BLTP3A: variants seen among roughly 807,000 people sequenced by gnomAD.
The protein encoded by BLTP3A is ICBP90 binding protein 1.
chr6:34,853,809 G>C, the BLTP3A span, among the ~76,000 whole-genome samples: 3 of 151,910 alleles, frequency 2.0e-5, no homozygotes, highest in African/African-American at 7.2e-5. Flanking sequence ...TGAACCATCT[G>C]CCTCAGCCTC....
At chr6:34,838,060 T>C in the BLTP3A span, among the ~76,000 whole-genome samples, 1 of 152,236 alleles carries the variant, frequency 6.6e-6, no homozygotes, top group Admixed American at 6.5e-5. Flanking sequence ...TCACCGTTCA[T>C]TTATTAAACT....
the BLTP3A span, among the ~76,000 whole-genome samples, chr6:34,839,879 G>A: frequency 6.6e-6 from 1 of 152,258 alleles, no homozygotes; most frequent in Non-Finnish European, 1.5e-5. Flanking sequence ...CCTTACAGGG[G>A]TCAATAGCTT....
At chr6:34,834,635 C>T in the BLTP3A span, 1 of 1,529,106 alleles carries the variant, frequency 6.5e-7, no homozygotes, top group Admixed American at 1.9e-5. Context: ...GGAGTCTCTG[C>T]CTTGCCAGTC....
chr6:34,809,546 G>GT, the BLTP3A span, among the ~76,000 whole-genome samples: 4 of 151,986 alleles, frequency 2.6e-5, no homozygotes, highest in Admixed American at 6.6e-5. Context: ...CCCCAAAAAC[G>GT]TTTTTTGTTT....
At chr6:34,813,103 A>G in the BLTP3A span, among the ~76,000 whole-genome samples, 3 of 152,184 alleles carry the variant, frequency 2.0e-5, no homozygotes, top group Non-Finnish European at 4.4e-5. Context: ...GGAGGGTTCA[A>G]TTTCTATGAG....
At chr6:34,824,359 C>G in the BLTP3A span, among the ~76,000 whole-genome samples, 1 of 151,478 alleles carries the variant, frequency 6.6e-6, no homozygotes, top group East Asian at 1.9e-4. Flanking sequence ...ATGGTGAAAC[C>G]CCGTTTCTAC....
chr6:34,794,661 C>CTTCA, the BLTP3A span, among the ~76,000 whole-genome samples: 4 of 152,086 alleles, frequency 2.6e-5, no homozygotes, highest in African/African-American at 4.8e-5. Context: ...AAACTAAAGC[C>CTTCA]TGGAGAAGAT....
the BLTP3A span, among the ~76,000 whole-genome samples, chr6:34,843,912 G>GC: frequency 0.45 from 67,876 of 151,956 alleles, 17,184 homozygotes; most frequent in African/African-American, 0.7. Flanking sequence ...ATTCATTTTT[G>GC]GTGTCTTTTG....
chr6:34,862,617 G>A, the BLTP3A span, among the ~76,000 whole-genome samples: 1 of 151,866 alleles, frequency 6.6e-6, no homozygotes, highest in South Asian at 2.1e-4. Flanking sequence ...GGCAGATCAC[G>A]AGGTCAGGAG....
At chr6:34,826,578 G>C in the BLTP3A span, among the ~76,000 whole-genome samples, 1 of 152,084 alleles carries the variant, frequency 6.6e-6, no homozygotes, top group African/African-American at 2.4e-5. Flanking sequence ...GGCTGGTCTT[G>C]AACTCCTGGA....
At chr6:34,875,743 G>A in the BLTP3A span, 1 of 152,084 alleles carries the variant, frequency 6.6e-6, no homozygotes, top group African/African-American at 2.4e-5. Context: ...ATTATCCCAT[G>A]GGATTTTAGT....
the BLTP3A span, chr6:34,835,417 G>A: frequency 6.2e-7 from 1 of 1,614,140 alleles, no homozygotes; most frequent in Non-Finnish European, 8.5e-7. Flanking sequence ...TGAAGCCATG[G>A]AGAAGTCAGC....
At chr6:34,829,027 C>CAAAAAAAAAAAAAAAAAAAA in the BLTP3A span, among the ~76,000 whole-genome samples, 1 of 50,726 alleles carries the variant, frequency 2.0e-5, no homozygotes, top group Non-Finnish European at 3.2e-5. Flanking sequence ...AACTCCATCT[C>CAAAAAAAAAAAAAAAAAAAA]AAAAAAAAAA....
the BLTP3A span, among the ~76,000 whole-genome samples, chr6:34,804,281 A>T: frequency 6.6e-6 from 1 of 152,134 alleles, no homozygotes; most frequent in Admixed American, 6.6e-5. Flanking sequence ...ACCCTGAGCT[A>T]CCTTTGGGGA....
chr6:34,858,897 G>C, the BLTP3A span: 3 of 1,614,136 alleles, frequency 1.9e-6, no homozygotes, highest in Non-Finnish European at 2.5e-6. Flanking sequence ...TGCTGCAGAG[G>C]CTTCAGGAGC....
the BLTP3A span, among the ~76,000 whole-genome samples, chr6:34,822,744 C>G: frequency 1.4e-3 from 211 of 151,772 alleles, no homozygotes; most frequent in African/African-American, 5.0e-3. Context: ...GTAATCCCAG[C>G]TACTCGGGAG....
At chr6:34,830,458 C>T in the BLTP3A span, among the ~76,000 whole-genome samples, 4 of 152,062 alleles carry the variant, frequency 2.6e-5, no homozygotes, top group Non-Finnish European at 5.9e-5. Flanking sequence ...GGCATGATGG[C>T]GTGCGCCTGT....
the BLTP3A span, among the ~76,000 whole-genome samples, chr6:34,833,308 G>T: frequency 2.0e-5 from 3 of 152,106 alleles, no homozygotes; most frequent in Admixed American, 2.0e-4. Flanking sequence ...AGGGATGACT[G>T]TATTTGACAG....
At chr6:34,871,799 C>T in the BLTP3A span, 1 of 1,613,216 alleles carries the variant, frequency 6.2e-7, no homozygotes, top group Non-Finnish European at 8.5e-7. Flanking sequence ...TCACTTAGAA[C>T]CTTTACTTGT....
Sources: allele counts gnomAD v4.1 joint callset (sites outside exome capture counted in the v4.1 genomes callset), GRCh38; gene constraint gnomAD v4.1.1; transcripts MANE v1.5; gene names NCBI Gene and HGNC (gene_info 2026-07-23, HGNC 2026-07-21).